Variants in CPT1C observed in about 807,000 individuals in gnomAD.
CPT1C encodes the protein palmitoyl thioesterase CPT1C.
Under a neutral mutation model 97.3 loss-of-function variants are expected in CPT1C, and 61 were observed. The ratio of observed to expected loss-of-function variants is 0.63; its 90% CI spans 0.51 to 0.78. The LOEUF (loss-of-function observed/expected upper bound fraction) is 0.78. CPT1C is among the 30% of genes least tolerant of loss of function. The pLI is 0.00. For synonymous variants in CPT1C, 469 were observed against 447.2 expected, an observed-to-expected ratio of 1.05 and a Z score of -0.61; for missense variants, 975 against 1,065.5, an observed-to-expected ratio of 0.92 and a Z score of 1.18.
chr19:49,703,349 TC>T (rs1327502147), intron 7 of CPT1C, among the ~76,000 whole-genome samples: 1 of 146,902 alleles, frequency 6.8e-6, no homozygotes, highest in African/African-American at 2.6e-5. Context: ...CTGGCTAATT[TC>T]TTTTTTTTTT....
chr19:49,693,971 A>G (rs749460213), intron 3 of CPT1C, among the ~76,000 whole-genome samples: 2 of 152,114 alleles, frequency 1.3e-5, no homozygotes, highest in African/African-American at 2.4e-5. Flanking sequence ...AGGCTGAGGC[A>G]GGAGAATGGC....
intron 7 of CPT1C, among the ~76,000 whole-genome samples, chr19:49,702,474 C>G (rs2083229095): frequency 6.6e-6 from 1 of 151,506 alleles, no homozygotes; most frequent in Non-Finnish European, 1.5e-5. Flanking sequence ...AAAAATTAAA[C>G]AGGTCTGGTG....
At chr19:49,698,652 G>A (rs1459364270) in intron 4 of CPT1C, among the ~76,000 whole-genome samples, 13 of 149,392 alleles carry the variant, frequency 8.7e-5, no homozygotes, top group African/African-American at 1.7e-4. Context: ...GACAGAGCGA[G>A]ACTCTGTCTC....
intron 18 of CPT1C, 53 bp downstream of exon 18, chr19:49,712,902 C>G (rs2123530638): frequency 6.3e-7 from 1 of 1,591,394 alleles, no homozygotes; most frequent in Non-Finnish European, 8.6e-7. Context: ...GCTGGGGGGC[C>G]TGCACTCCTG....
At position 49,702,039 on chromosome 19, in the gene CPT1C, T is replaced by A. The variant is rs1482860631; in HGVS notation, c.693+405T>A. Reference sequence around the variant, plus strand: ...TTATTTATAAATTATAAATATATATTTATTTATAAATTATAAATATATATT... The same window carrying A: ...TTATTTATAAATTATAAATATATATATATTTATAAATTATAAATATATATT... On this transcript the variant is annotated intron_variant, in intron 7 of 19. Coordinates refer to ENST00000598293, the MANE Select transcript of CPT1C (RefSeq NM_001199753.2). Among the ~76,000 whole-genome samples the A allele has an allele frequency of 1.7e-3, 164 of 97,842 alleles. 34 individuals carry two copies. The highest frequency in any genetic ancestry group is 4.7e-3 in the Middle Eastern group (1 of 212). 64.2% of individuals were successfully genotyped at this position (97,842 alleles called of 152,430 possible). A position where few individuals can be genotyped will look rare whatever the true frequency, so the allele number is the denominator to read the frequency against.
intron 12 of CPT1C, among the ~76,000 whole-genome samples, chr19:49,707,159 C>T (rs2083547092): frequency 6.6e-6 from 1 of 152,132 alleles, no homozygotes; most frequent in Non-Finnish European, 1.5e-5. Flanking sequence ...CTTGTGATCC[C>T]AGCTACTTGG....
rs2083782081 is a variant in CPT1C, at chr19:49,710,337, T to C, written c.1584T>C (p.Ser528=). 6.2e-7 allele frequency: 1 copy of C among 1,614,016 alleles called. No individual in the cohort carries two copies. The highest frequency in any genetic ancestry group is 1.1e-5 in the South Asian group (1 of 91,086). Residue 528 remains serine, a synonymous_variant, in exon 15 of 20, where the codon TCT becomes TCC. Transcript: ENST00000598293. The part of the protein sequence containing the change: ...DLPDQIHSSI[S]LALRGAKILS... ...TCTGGCAGATCCACTCCTCCATCTC[T>C]CTAGCCCTGAGGGGAGCCAAGATCT... is the stretch of plus-strand genomic sequence containing the variant.
rs371599507 is a variant in CPT1C, at chr19:49,701,348, C to T, written c.485C>T (p.Pro162Leu). Residue 162 changes from proline (P) to leucine (L), a missense_variant, in exon 6 of 20, where the codon CCG becomes CTG. By Grantham distance (98) the Pro-to-Leu change is moderately conservative. Around this residue, in one of 3 missense-constraint regions of CPT1C, gnomAD observed 596 missense variants for 603.1 expected, o/e 0.99. Coordinates refer to ENST00000598293, the MANE Select transcript of CPT1C (RefSeq NM_001199753.2). ...ALVRIFSGRH[P>L]MLFSYQRSLP... is the part of the protein sequence containing the mutation. Reference sequence around the variant, plus strand: ...GTCCGCATCTTCTCTGGCCGCCACCCGATGCTGTTCAGTTACCAGCGCTCC... The same window carrying T: ...GTCCGCATCTTCTCTGGCCGCCACCTGATGCTGTTCAGTTACCAGCGCTCC... 7.4e-6 allele frequency: 12 copies of T among 1,613,470 alleles called. No homozygotes were observed. Among genetic ancestry groups the T allele is most frequent in the African/African-American group, 6.7e-5 (5 of 74,908 alleles).
chr19:49,712,092 C>T, intron 17 of CPT1C, 131 bp downstream of exon 17: 1 of 1,163,762 alleles, frequency 8.6e-7, no homozygotes, highest in Non-Finnish European at 1.2e-6. Flanking sequence ...CCTGTAATCC[C>T]AGCAGTTTGG....
chr19:49,700,619 G>C (rs2082957097), intron 4 of CPT1C, 65 bp from the exon 5 acceptor site: 1 of 1,552,742 alleles, frequency 6.4e-7, no homozygotes, highest in African/African-American at 1.4e-5. Context: ...GCTGGAGGGG[G>C]CTGGAAGGGA....
chr19:49,694,997 T>C (rs972852203), intron 3 of CPT1C, among the ~76,000 whole-genome samples: 10 of 151,486 alleles, frequency 6.6e-5, no homozygotes, highest in African/African-American at 1.9e-4. Flanking sequence ...AAAAATTAGC[T>C]GGGCGTGGTG....
At chr19:49,712,129 G>A in intron 17 of CPT1C, 168 bp downstream of exon 17, 1 of 808,844 alleles carries the variant, frequency 1.2e-6, no homozygotes, top group Admixed American at 3.0e-5. Flanking sequence ...GATCACTTGA[G>A]GTCAAGAGTT....
intron 7 of CPT1C, among the ~76,000 whole-genome samples, chr19:49,702,134 A>AATT (rs2083196986): frequency 2.0e-4 from 11 of 53,700 alleles, no homozygotes; most frequent in South Asian, 1.0e-3. Context: ...ATAAATTATA[A>AATT]ATAAATATAT....
intron 16 of CPT1C, 155 bp downstream of exon 16, chr19:49,711,012 A>G: frequency 1.4e-6 from 1 of 705,062 alleles, no homozygotes; most frequent in Non-Finnish European, 2.3e-6. Flanking sequence ...GAGCTCACTG[A>G]TGGGGGGAGA....
chr19:49,707,216 C>G (rs756134200), intron 12 of CPT1C, among the ~76,000 whole-genome samples: 1 of 152,032 alleles, frequency 6.6e-6, no homozygotes, highest in African/African-American at 2.4e-5. Flanking sequence ...ACTTGGGAGG[C>G]GGAGGTTGCA....
In CPT1C at chr19:49,701,820, T is replaced by C. The variant is rs376441800; in HGVS notation, c.693+186T>C. 4.9e-4 allele frequency among the ~76,000 whole-genome samples: 61 copies of C among 125,536 alleles called. 1 individual carries two copies. The East Asian group carries it at 9.8e-3, about 20-fold the overall frequency. 82.4% of individuals were successfully genotyped at this position (125,536 alleles called of 152,430 possible). On this transcript the variant is annotated intron_variant, in intron 7 of 19. Transcript: ENST00000598293. ...ATATCCTAACCTCCACATTTATATA[T>C]ATATAAAAATATATATGTATATATA...
intron 3 of CPT1C, 131 bp from the exon 4 acceptor site, chr19:49,697,195 G>C: frequency 2.6e-6 from 3 of 1,148,946 alleles, no homozygotes; most frequent in Non-Finnish European, 3.8e-6. Context: ...GGATCTCTCT[G>C]TTCCCTACTA....
rs769102069 is a variant in CPT1C, at chr19:49,708,839, G to A, written c.1566G>A (p.Gln522=). ...PQRLQWDLPD[Q]IHSSISLALR... is the part of the protein sequence containing the mutation. ...GGCTGCAATGGGACCTTCCAGACCAGGTGAGGCTGGGTTTCTGGGCCTCTC... is the reference window on the plus strand; with the variant it reads ...GGCTGCAATGGGACCTTCCAGACCAAGTGAGGCTGGGTTTCTGGGCCTCTC... Residue 522 remains glutamine, a splice_region_variant and synonymous_variant, in exon 14 of 20, where the codon CAG becomes CAA. Transcript: ENST00000598293. 1.9e-6 allele frequency: 3 copies of A among 1,597,672 alleles called. No homozygotes were observed. The highest frequency in any genetic ancestry group is 2.6e-6 in the Non-Finnish European group (3 of 1,166,474).
At chr19:49,699,919 A>C (rs1207806281) in intron 4 of CPT1C, among the ~76,000 whole-genome samples, 1 of 151,660 alleles carries the variant, frequency 6.6e-6, no homozygotes, top group African/African-American at 2.4e-5. Context: ...GTGCCACTGC[A>C]CTCCAGCCTG....
Sources: gnomAD v4.1 joint callset for allele counts (sites outside exome capture counted in the v4.1 genomes callset) on GRCh38, gnomAD v4.1.1 for gene constraint, gnomAD v4.1.1 regional missense constraint, MANE v1.5 for transcripts, NCBI Gene and HGNC (gene_info 2026-07-23, HGNC 2026-07-21) for gene names.